ARB2A: variants seen among roughly 807,000 people sequenced by gnomAD.
ARB2A encodes the protein cotranscriptional regulator ARB2A.
chr5:93,760,439 G>T, the ARB2A span, among the ~76,000 whole-genome samples: 2 of 152,122 alleles, frequency 1.3e-5, no homozygotes, highest in Non-Finnish European at 2.9e-5. Flanking sequence ...AACCTGCATA[G>T]CCAAAGCAAG....
the ARB2A span, among the ~76,000 whole-genome samples, chr5:94,069,785 T>C: frequency 6.6e-6 from 1 of 151,822 alleles, no homozygotes; most frequent in Non-Finnish European, 1.5e-5. Flanking sequence ...AGACAAAAAA[T>C]AACAGAAGCT....
At chr5:93,775,891 T>C in the ARB2A span, among the ~76,000 whole-genome samples, 2 of 152,320 alleles carry the variant, frequency 1.3e-5, no homozygotes, top group South Asian at 2.1e-4. Context: ...TATATGTATG[T>C]CTTATCTCTC....
the ARB2A span, among the ~76,000 whole-genome samples, chr5:94,063,563 GC>G: frequency 6.6e-6 from 1 of 152,044 alleles, no homozygotes; most frequent in Non-Finnish European, 1.5e-5. Context: ...ACAATCAACT[GC>G]AATAGACTAC....
the ARB2A span, among the ~76,000 whole-genome samples, chr5:94,035,664 T>C: frequency 1.3e-5 from 2 of 152,150 alleles, no homozygotes; most frequent in Non-Finnish European, 2.9e-5. Context: ...CATGGAATAC[T>C]ATGCAGCCAT....
chr5:93,810,245 A>G, the ARB2A span, among the ~76,000 whole-genome samples: 13 of 151,874 alleles, frequency 8.6e-5, no homozygotes, highest in East Asian at 2.5e-3. Flanking sequence ...GTCATGGGTA[A>G]ATTGACTGGT....
chr5:93,899,479 T>G, the ARB2A span, among the ~76,000 whole-genome samples: 9 of 152,262 alleles, frequency 5.9e-5, no homozygotes, highest in East Asian at 1.7e-3. Flanking sequence ...TTTGATTATG[T>G]AGTCATTTTC....
At chr5:93,697,061 CAAA>C in the ARB2A span, among the ~76,000 whole-genome samples, 8 of 78,246 alleles carry the variant, frequency 1.0e-4, no homozygotes, top group East Asian at 4.0e-4. Context: ...GACTCCATCT[CAAA>C]AAAAAAAAAA....
the ARB2A span, among the ~76,000 whole-genome samples, chr5:93,765,674 T>A: frequency 6.6e-6 from 1 of 152,020 alleles, no homozygotes; most frequent in Non-Finnish European, 1.5e-5. Context: ...ATGACTAGAA[T>A]TGGAAAAAAC....
At chr5:93,931,169 T>A in the ARB2A span, among the ~76,000 whole-genome samples, 3 of 151,994 alleles carry the variant, frequency 2.0e-5, no homozygotes, top group Non-Finnish European at 4.4e-5. Flanking sequence ...ATGATCTCAT[T>A]CCTTAAGAAA....
chr5:94,048,160 T>C, the ARB2A span, among the ~76,000 whole-genome samples: 1 of 145,004 alleles, frequency 6.9e-6, no homozygotes, highest in East Asian at 2.1e-4. Context: ...GTTCAAACGA[T>C]TCTCCTGCCT....
chr5:93,784,916 T>A, the ARB2A span, among the ~76,000 whole-genome samples: 1 of 152,180 alleles, frequency 6.6e-6, no homozygotes, highest in Non-Finnish European at 1.5e-5. Flanking sequence ...AGATGGCACA[T>A]CAGTAAAGAA....
chr5:93,716,693 C>CAAA, the ARB2A span, among the ~76,000 whole-genome samples: 94 of 36,614 alleles, frequency 2.6e-3, 3 homozygotes, highest in African/African-American at 4.8e-3. Context: ...ATAAGCTGTG[C>CAAA]AAAAAAAAAA....
chr5:93,845,082 A>T, the ARB2A span, among the ~76,000 whole-genome samples: 14 of 152,316 alleles, frequency 9.2e-5, no homozygotes, highest in Non-Finnish European at 7.3e-5. Flanking sequence ...TCCAACTATG[A>T]AAAGCTGTTT....
chr5:93,815,113 G>A, the ARB2A span, among the ~76,000 whole-genome samples: 2 of 152,166 alleles, frequency 1.3e-5, no homozygotes, highest in African/African-American at 4.8e-5. Context: ...AAAGAATTGG[G>A]ATTACAGGCA....
chr5:93,766,325 C>A, the ARB2A span, among the ~76,000 whole-genome samples: 1 of 152,230 alleles, frequency 6.6e-6, no homozygotes, highest in South Asian at 2.1e-4. Context: ...CTACAATGAA[C>A]TCCAACAAAT....
At chr5:93,903,572 T>A in the ARB2A span, among the ~76,000 whole-genome samples, 2 of 152,024 alleles carry the variant, frequency 1.3e-5, no homozygotes, top group South Asian at 2.1e-4. Context: ...CAATAACATT[T>A]CAGTTGTTGG....
At chr5:93,699,761 C>T in the ARB2A span, among the ~76,000 whole-genome samples, 4 of 151,818 alleles carry the variant, frequency 2.6e-5, no homozygotes, top group African/African-American at 7.2e-5. Flanking sequence ...TTTCAAGTTA[C>T]GTGAATTCTA....
chr5:93,872,239 T>A, the ARB2A span, among the ~76,000 whole-genome samples: 1 of 152,158 alleles, frequency 6.6e-6, no homozygotes, highest in African/African-American at 2.4e-5. Context: ...CGAGCCACTG[T>A]GCCCGGTCCC....
chr5:93,669,771 C>T, the ARB2A span, among the ~76,000 whole-genome samples: 1 of 152,266 alleles, frequency 6.6e-6, no homozygotes, highest in African/African-American at 2.4e-5. Context: ...TCTAATCATA[C>T]ACACTGTTGT....
Sources: gnomAD v4.1 joint callset for allele counts (sites outside exome capture counted in the v4.1 genomes callset) on GRCh38, gnomAD v4.1.1 for gene constraint, MANE v1.5 for transcripts, NCBI Gene and HGNC (gene_info 2026-07-23, HGNC 2026-07-21) for gene names.